The following INTS6 variants were observed in gnomAD, a reference collection of about 807,000 sequenced individuals.
INTS6 encodes DEAD box protein.
A neutral mutation model predicts 104.9 loss-of-function variants in INTS6; 16 were observed. The observed-to-expected ratio is 0.15, with a 90% confidence interval of 0.10 to 0.23. The LOEUF (loss-of-function observed/expected upper bound fraction) is 0.23. Ranked by LOEUF, INTS6 falls within the 10% of genes least tolerant of loss-of-function variation. The pLI, the probability that INTS6 is intolerant of heterozygous loss-of-function variation, is 1.00. For missense variants in INTS6, 584 were observed against 1,062.8 expected, an observed-to-expected ratio of 0.55 and a Z score of 6.26; for synonymous variants, 324 against 358.7, an observed-to-expected ratio of 0.90 and a Z score of 1.09.
At chr13:51,361,365 G>A, downstream of INTS6, 1 of 1,595,082 alleles carries the variant, frequency 6.3e-7, no homozygotes, top group Non-Finnish European at 8.6e-7. Flanking sequence ...GGAGCCACAG[G>A]TATGTTCAGA....
chr13:51,341,496 T>A, the INTS6 span: 1 of 803,248 alleles, frequency 1.2e-6, no homozygotes, highest in Non-Finnish European at 1.9e-6. Context: ...CTCACCCTGC[T>A]GCTCAGGCTA....
the INTS6 span, among the ~76,000 whole-genome samples, chr13:51,348,848 G>GTCC: frequency 2.0e-5 from 3 of 150,514 alleles, no homozygotes; most frequent in Admixed American, 6.6e-5. Context: ...ACGTAATTGA[G>GTCC]CAAGTACAGA....
At chr13:51,348,641 G>A in the INTS6 span, 3 of 351,414 alleles carry the variant, frequency 8.5e-6, no homozygotes, top group African/African-American at 7.2e-5. Flanking sequence ...ACTTCCCAGA[G>A]TCTTTCCAAG....
chr13:51,352,895 A>T (rs565117574), downstream of INTS6, among the ~76,000 whole-genome samples: 2 of 152,230 alleles, frequency 1.3e-5, no homozygotes, highest in Admixed American at 6.5e-5. Context: ...TTAATATGGT[A>T]TATTATATTA....
At chr13:51,441,513 A>T (rs911524896) in intron 3 of INTS6, 2 of 152,142 alleles carry the variant, frequency 1.3e-5, no homozygotes, top group African/African-American at 4.8e-5. Flanking sequence ...TTAAGATATA[A>T]TGCTTAGAAA....
chr13:51,409,667 G>A lies in INTS6; in HGVS notation c.430-14184C>T, dbSNP rs184413306. Among the ~76,000 whole-genome samples the A allele has an allele frequency of 8.2e-3, 1,177 of 143,312 alleles. 8 individuals carry two copies. The highest frequency in any genetic ancestry group is 0.013 in the Non-Finnish European group (853 of 67,840). 94.0% of individuals were successfully genotyped at this position (143,312 alleles called of 152,430 possible). A position where few individuals can be genotyped will look rare whatever the true frequency, so the allele number is the denominator to read the frequency against. ...TTTTTTTTAATTTTAAGGAACAATT[G>A]GTGTTCCTTAAAATTAAATGTTAAT... On this transcript the variant is annotated intron_variant, in intron 4 of 17. Transcript: ENST00000311234.
chr13:51,440,911 C>T (rs566107678), intron 3 of INTS6: 2 of 152,242 alleles, frequency 1.3e-5, no homozygotes, highest in East Asian at 3.9e-4. Context: ...ATGGAACAAC[C>T]TTAATTCTGT....
intron 3 of INTS6, chr13:51,442,859 C>A (rs961175871): frequency 1.3e-5 from 2 of 152,206 alleles, no homozygotes; most frequent in South Asian, 2.1e-4. Context: ...GCCAAAGAGG[C>A]TGGGGACCGC....
At chr13:51,379,374 C>A (rs1191463861) in intron 11 of INTS6, 88 bp downstream of exon 11, 2 of 560,662 alleles carry the variant, frequency 3.6e-6, no homozygotes, top group Admixed American at 6.2e-5. Context: ...TCCATTAGAA[C>A]CATCAAGAAC....
At chr13:51,434,161 C>T (rs956375917) in intron 3 of INTS6, among the ~76,000 whole-genome samples, 21 of 152,158 alleles carry the variant, frequency 1.4e-4, no homozygotes, top group African/African-American at 5.1e-4. Context: ...TATATCCTTT[C>T]TGCAATAAAA....
intron 2 of INTS6, 76 bp downstream of exon 2, chr13:51,451,902 A>T: frequency 2.7e-6 from 2 of 752,992 alleles, no homozygotes; most frequent in Non-Finnish European, 3.8e-6. Context: ...TGAAGGGTGA[A>T]TGGGGGGGCG....
intron 3 of INTS6, among the ~76,000 whole-genome samples, chr13:51,435,026 T>C (rs915054934): frequency 6.6e-6 from 1 of 152,086 alleles, no homozygotes; most frequent in Non-Finnish European, 1.5e-5. Context: ...TAAGTAAGTA[T>C]GTTTATAAAG....
chr13:51,375,116 T>C (rs960345613), intron 13 of INTS6, among the ~76,000 whole-genome samples: 9 of 152,016 alleles, frequency 5.9e-5, no homozygotes, highest in Non-Finnish European at 1.0e-4. Context: ...TTCGGGAGGC[T>C]GAGGCAGACA....
At chr13:51,426,862 A>C (rs1305825813) in intron 4 of INTS6, among the ~76,000 whole-genome samples, 1 of 152,150 alleles carries the variant, frequency 6.6e-6, no homozygotes, top group African/African-American at 2.4e-5. Flanking sequence ...CAGCCGTATC[A>C]GGAAGAAAGC....
chr13:51,344,189 A>T, the INTS6 span: 1 of 1,161,022 alleles, frequency 8.6e-7, no homozygotes, highest in Non-Finnish European at 1.3e-6. Context: ...TGTGTGCTGG[A>T]GGTTGTGCTA....
At chr13:51,400,514 A>T (rs539087333) in intron 4 of INTS6, among the ~76,000 whole-genome samples, 2 of 152,062 alleles carry the variant, frequency 1.3e-5, no homozygotes, top group East Asian at 3.9e-4. Flanking sequence ...GCAAAGATAC[A>T]TTTTTTTTCC....
intron 4 of INTS6, among the ~76,000 whole-genome samples, chr13:51,412,001 T>C (rs984705305): frequency 1.1e-4 from 16 of 152,184 alleles, no homozygotes; most frequent in African/African-American, 1.7e-4. Context: ...TACTGACATA[T>C]GCAGCAAGAA....
At chr13:51,385,191 A>G (rs1956120855) in intron 7 of INTS6, 1 of 153,552 alleles carries the variant, frequency 6.5e-6, no homozygotes, top group Non-Finnish European at 1.4e-5. Context: ...ACAACCTCTA[A>G]AAGACCTCTT....
chr13:51,412,553 G>A (rs1348268718), intron 4 of INTS6, among the ~76,000 whole-genome samples: 2 of 152,124 alleles, frequency 1.3e-5, no homozygotes, highest in Admixed American at 1.3e-4. Flanking sequence ...GCTCACAAGC[G>A]CACACGTGAG....
Sources: gnomAD v4.1 joint callset for allele counts (sites outside exome capture counted in the v4.1 genomes callset) on GRCh38, gnomAD v4.1.1 for gene constraint, MANE v1.5 for transcripts, NCBI Gene and HGNC (gene_info 2026-07-23, HGNC 2026-07-21) for gene names.